The following ZCCHC17 variants were observed in gnomAD, a reference collection of about 807,000 sequenced individuals.
ZCCHC17 encodes the protein zinc finger CCHC-type containing 17.
ZCCHC17 carries 18 observed loss-of-function variants against 30.6 expected under a neutral mutation model. The ratio of observed to expected loss-of-function variants is 0.59; its 90% confidence interval spans 0.41 to 0.87. The LOEUF (loss-of-function observed/expected upper bound fraction) is 0.87. Ranked by LOEUF, ZCCHC17 falls within the 40% of genes least tolerant of loss-of-function variation. The probability of loss-of-function intolerance (pLI) is 0.00; values close to 1 mark genes in which losing one functional copy is unlikely to be tolerated. For missense variants in ZCCHC17, 263 were observed against 284.2 expected (o/e 0.93, Z 0.54); for synonymous variants, 88 against 92.4 (o/e 0.95, Z 0.27).
At chr1:31,320,138 G>A (rs1161579125) in intron 3 of ZCCHC17, among the ~76,000 whole-genome samples, 8 of 152,084 alleles carry the variant, frequency 5.3e-5, no homozygotes, top group Non-Finnish European at 1.0e-4. Flanking sequence ...AAGTAACTTA[G>A]ACTGGTAGAT....
At chr1:31,355,107 G>C (rs182976423) in intron 7 of ZCCHC17, among the ~76,000 whole-genome samples, 1 of 151,526 alleles carries the variant, frequency 6.6e-6, no homozygotes, top group African/African-American at 2.4e-5. Flanking sequence ...CCCAGGAGGC[G>C]GAGGGTGCAG....
intron 1 of ZCCHC17, among the ~76,000 whole-genome samples, chr1:31,306,292 C>T (rs1005637638): frequency 6.6e-6 from 1 of 152,064 alleles, no homozygotes; most frequent in African/African-American, 2.4e-5. Context: ...TACTCTGCTT[C>T]GTGGCCATTA....
At position 31,364,203 on chromosome 1, in the gene ZCCHC17, G is replaced by C. The variant is rs1344698733; in HGVS notation, c.*10G>C. 6.2e-7 allele frequency: 1 copy of C among 1,610,952 alleles called. No homozygotes were observed. The highest frequency in any genetic ancestry group is 8.5e-7 in the Non-Finnish European group (1 of 1,179,006). On this transcript the variant is annotated 3_prime_UTR_variant, in exon 8 of 8. Coordinates refer to ENST00000344147, the MANE Select transcript of ZCCHC17 (RefSeq NM_016505.4). ...GAAGCACAAGGAGTGAGAGTATAAA[G>C]AGTGTAGGGGGTGGTTGAGAGTAAG... is the stretch of plus-strand genomic sequence containing the variant.
At chr1:31,303,245 G>C (rs912852603) in intron 1 of ZCCHC17, among the ~76,000 whole-genome samples, 6 of 152,128 alleles carry the variant, frequency 3.9e-5, no homozygotes, top group African/African-American at 1.4e-4. Flanking sequence ...TTGGACCATT[G>C]CACTCCGGCC....
chr1:31,361,065 G>A (rs758647123), intron 7 of ZCCHC17, among the ~76,000 whole-genome samples: 13 of 152,124 alleles, frequency 8.5e-5, no homozygotes, highest in Non-Finnish European at 1.8e-4. Flanking sequence ...ACCCAGTGAG[G>A]CTCCTGACCC....
chr1:31,311,917 C>T (rs910119146), intron 2 of ZCCHC17, among the ~76,000 whole-genome samples: 1 of 152,100 alleles, frequency 6.6e-6, no homozygotes, highest in Non-Finnish European at 1.5e-5. Context: ...GTGATTAATG[C>T]CCTTATAGAA....
intron 1 of ZCCHC17, 59 bp from the exon 2 acceptor site, chr1:31,309,985 C>A: frequency 1.1e-6 from 1 of 921,984 alleles, no homozygotes; most frequent in Non-Finnish European, 1.7e-6. Context: ...GGATTGTCTG[C>A]ATATTCATTT....
Position 31,364,043 on chromosome 1 carries a change from A to G in ZCCHC17, c.576A>G (p.Lys192=). ...AATTTTCTTTTCAGGAGAAGAAGAA[A>G]AAGAAACATAGAGATAGGAAGTCAT... ...PSRKRKKEKK[K]KKHRDRKSSD... The change falls in exon 8 of 8, where the codon AAA becomes AAG. Residue 192 remains lysine, a synonymous_variant. Coordinates refer to ENST00000344147, the MANE Select transcript of ZCCHC17 (RefSeq NM_016505.4). 6.2e-7 allele frequency: 1 copy of G among 1,607,326 alleles called. No individual in the cohort carries two copies. The highest frequency in any genetic ancestry group is 8.5e-7 in the Non-Finnish European group (1 of 1,178,298).
intron 5 of ZCCHC17, among the ~76,000 whole-genome samples, chr1:31,344,011 T>C (rs971708413): frequency 2.0e-5 from 3 of 151,838 alleles, no homozygotes; most frequent in African/African-American, 7.3e-5. Flanking sequence ...TGTACCACTA[T>C]GCTCGGCTAA....
intron 7 of ZCCHC17, among the ~76,000 whole-genome samples, chr1:31,360,002 C>T (rs1177829995): frequency 2.0e-5 from 3 of 150,432 alleles, no homozygotes; most frequent in East Asian, 1.9e-4. Flanking sequence ...TTTTTTGAGA[C>T]GGAGTTTCCA....
At chr1:31,334,037 TA>T (rs1638700177) in intron 3 of ZCCHC17, among the ~76,000 whole-genome samples, 1 of 152,178 alleles carries the variant, frequency 6.6e-6, no homozygotes, top group South Asian at 2.1e-4. Flanking sequence ...CATTACATCA[TA>T]GGGGAAAAAA....
chr1:31,342,605 A>G (rs1014371788), intron 5 of ZCCHC17, among the ~76,000 whole-genome samples: 2 of 152,060 alleles, frequency 1.3e-5, no homozygotes, highest in Non-Finnish European at 2.9e-5. Context: ...TAGGGTTTGC[A>G]CTCCTATGAG....
intron 3 of ZCCHC17, among the ~76,000 whole-genome samples, chr1:31,334,753 A>G (rs2148449600): frequency 6.6e-6 from 1 of 152,316 alleles, no homozygotes; most frequent in African/African-American, 2.4e-5. Flanking sequence ...ACTATTTACT[A>G]AAGAAGGAAT....
At chr1:31,345,393 T>C (rs1639208514) in intron 5 of ZCCHC17, among the ~76,000 whole-genome samples, 1 of 150,970 alleles carries the variant, frequency 6.6e-6, no homozygotes, top group Admixed American at 6.6e-5. Flanking sequence ...CCTGACCTTA[T>C]GATCCACCCG....
chr1:31,300,325 G>A (rs1646279702), intron 1 of ZCCHC17, among the ~76,000 whole-genome samples: 1 of 152,136 alleles, frequency 6.6e-6, no homozygotes, highest in African/African-American at 2.4e-5. Flanking sequence ...CTCCCAAAGT[G>A]CTACGATTAT....
intron 3 of ZCCHC17, among the ~76,000 whole-genome samples, chr1:31,333,570 T>G (rs1218570050): frequency 6.6e-6 from 1 of 152,072 alleles, no homozygotes; most frequent in African/African-American, 2.4e-5. Context: ...TGTGTGTGTA[T>G]ATATATAGTT....
intron 7 of ZCCHC17, among the ~76,000 whole-genome samples, chr1:31,355,169 C>T (rs1639599609): frequency 8.3e-6 from 1 of 121,096 alleles, no homozygotes; most frequent in African/African-American, 2.7e-5. Context: ...AGTGAGACTC[C>T]ATCTCAATTA....
chr1:31,310,464 C>T (rs1646573954), intron 2 of ZCCHC17, among the ~76,000 whole-genome samples: 1 of 152,246 alleles, frequency 6.6e-6, no homozygotes, highest in Non-Finnish European at 1.5e-5. Flanking sequence ...ACTTAATCTC[C>T]AGTGCATCAA....
chr1:31,364,583 T>C lies in ZCCHC17; in HGVS notation c.*390T>C, dbSNP rs142204300. ...TGAGTTCGGCTGTAGTTAGAGTGAT[T>C]GGACCCTTCCTATTGGTCTGTCCTG... On this transcript the variant is annotated 3_prime_UTR_variant, in exon 8 of 8. Coordinates refer to ENST00000344147, the MANE Select transcript of ZCCHC17 (RefSeq NM_016505.4). The C allele has an allele frequency of 4.4e-4, 90 of 204,478 alleles. No individual in the cohort carries two copies. In the Middle Eastern group the frequency reaches 0.014, roughly 31 times the overall value. The allele number at this position is 204,478 out of a possible 1,614,324, so 12.7% of individuals were successfully genotyped here.
Sources: allele counts gnomAD v4.1 joint callset (sites outside exome capture counted in the v4.1 genomes callset), GRCh38; gene constraint gnomAD v4.1.1; transcripts MANE v1.5; gene names NCBI Gene and HGNC (gene_info 2026-07-23, HGNC 2026-07-21).